The following PIAS1 variants were observed in gnomAD, a reference collection of about 807,000 sequenced individuals.
PIAS1 encodes E3 SUMO-protein ligase PIAS1.
A neutral mutation model predicts 71.3 loss-of-function variants in PIAS1; 6 were observed. The ratio of observed to expected loss-of-function variants is 0.08; its 90% confidence interval spans 0.05 to 0.17. PIAS1 has a LOEUF of 0.17. Among genes scored for constraint, PIAS1 ranks in the 10% least tolerant of loss-of-function variants. The pLI, the probability that PIAS1 is intolerant of heterozygous loss-of-function variation, is 1.00. For synonymous variants in PIAS1, 303 were observed against 292.9 expected, an observed-to-expected ratio of 1.03 and a Z score of -0.35; for missense variants, 555 against 793.6, an observed-to-expected ratio of 0.70 and a Z score of 3.61.
intron 2 of PIAS1, among the ~76,000 whole-genome samples, chr15:68,097,593 C>T (rs1330058876): frequency 6.6e-6 from 1 of 152,024 alleles, no homozygotes; most frequent in Non-Finnish European, 1.5e-5. Context: ...CCACCACGCC[C>T]ATCTAATTTT....
At chr15:68,064,403 A>G (rs1382796454) in intron 1 of PIAS1, among the ~76,000 whole-genome samples, 1 of 152,238 alleles carries the variant, frequency 6.6e-6, no homozygotes, top group Non-Finnish European at 1.5e-5. Context: ...ATAGTGAAAT[A>G]TGTCAACATT....
In PIAS1 at chr15:68,086,020, A is replaced by G. The variant is rs886309295; in HGVS notation, c.25-286A>G. ...TGATAAATACCTGACAGTTTCATCAAAACAGTGGAATAAAGTGAGGTGTGG... is the reference window on the plus strand; with the variant it reads ...TGATAAATACCTGACAGTTTCATCAGAACAGTGGAATAAAGTGAGGTGTGG... On this transcript the variant is annotated intron_variant, in intron 1 of 13. Coordinates refer to ENST00000249636, the MANE Select transcript of PIAS1 (RefSeq NM_016166.3). The surrounding 1 kb of genome is among the most constrained non-coding windows in gnomAD (Gnocchi z 7.2). Among the ~76,000 whole-genome samples, 2 of 152,340 alleles carry G rather than the reference A, an allele frequency of 1.3e-5. No individual in the cohort carries two copies. Among genetic ancestry groups the G allele is most frequent in the African/African-American group, 2.4e-5 (1 of 41,586 alleles).
intron 1 of PIAS1, among the ~76,000 whole-genome samples, chr15:68,071,377 G>A (rs910800895): frequency 6.7e-6 from 1 of 149,476 alleles, no homozygotes; most frequent in Non-Finnish European, 1.5e-5. Context: ...CACCATGCCT[G>A]GCTAATTTTT....
intron 6 of PIAS1, among the ~76,000 whole-genome samples, chr15:68,149,879 G>A (rs1233181964): frequency 2.0e-5 from 3 of 151,986 alleles, no homozygotes; most frequent in African/African-American, 4.8e-5. Flanking sequence ...AACAATGCAG[G>A]CACTAGTGGA....
In PIAS1 at chr15:68,065,588, G is replaced by GAA. The variant is rs572054813; in HGVS notation, c.24+11252_24+11253dup. On this transcript the variant is annotated intron_variant, in intron 1 of 13. Transcript: ENST00000249636. ...GTGACAGAGTGAGACCCTGTCTCGA[G>GAA]AAAAAAAAAAAAAAAGAAAAAATTT... Among the ~76,000 whole-genome samples, 188 of 117,596 alleles carry GAA rather than the reference G, an allele frequency of 1.6e-3. 1 individual carries two copies. Among genetic ancestry groups the GAA allele is most frequent in the African/African-American group, 3.5e-3 (111 of 31,532 alleles). 77.1% of individuals were successfully genotyped at this position (117,596 alleles called of 152,430 possible). A position where few individuals can be genotyped will look rare whatever the true frequency, so the allele number is the denominator to read the frequency against.
At chr15:68,147,028 G>T (rs550423078) in intron 6 of PIAS1, among the ~76,000 whole-genome samples, 1 of 152,212 alleles carries the variant, frequency 6.6e-6, no homozygotes, top group Non-Finnish European at 1.5e-5. Context: ...CGTGTTACTT[G>T]ATTTATTGAT....
At chr15:68,118,650 T>A (rs530534601) in intron 2 of PIAS1, among the ~76,000 whole-genome samples, 1 of 152,324 alleles carries the variant, frequency 6.6e-6, no homozygotes, top group Admixed American at 6.5e-5. Context: ...CTGTCTTGAT[T>A]TTTTGACAGT....
At chr15:68,124,857 C>G (rs1244627393) in intron 2 of PIAS1, among the ~76,000 whole-genome samples, 1 of 152,118 alleles carries the variant, frequency 6.6e-6, no homozygotes, top group South Asian at 2.1e-4. Context: ...GTATTTTGAT[C>G]TCTTTTGGCT....
At chr15:68,119,454 T>G (rs1199825248) in intron 2 of PIAS1, among the ~76,000 whole-genome samples, 1 of 150,420 alleles carries the variant, frequency 6.6e-6, no homozygotes. Context: ...AAAAAAAAAG[T>G]AAATGGGCAA....
chr15:68,135,689 G>T (rs1343853387), intron 2 of PIAS1, among the ~76,000 whole-genome samples: 7 of 67,300 alleles, frequency 1.0e-4, no homozygotes, highest in Admixed American at 3.9e-4. Context: ...CCTCCCTCCC[G>T]GACGGGGTGG....
rs2093003624 is a variant in PIAS1 at position 68,173,430 on chromosome 15, G to A, written c.1009-302G>A. Among the ~76,000 whole-genome samples, 1 of 151,662 alleles carries A rather than the reference G, an allele frequency of 6.6e-6. No homozygotes were observed. On this transcript the variant is annotated intron_variant, in intron 8 of 13. Transcript: ENST00000249636. This position sits in a 1 kb window ranked among gnomAD's most constrained non-coding sequence, Gnocchi z 4.3. Reference sequence around the variant, plus strand: ...AAAATGCACACACGAAATTTTGAATGTAATTCAAGGGGTTTATGACCCTCT... The same window carrying A: ...AAAATGCACACACGAAATTTTGAATATAATTCAAGGGGTTTATGACCCTCT...
At chr15:68,126,865 T>A (rs1174787247) in intron 2 of PIAS1, among the ~76,000 whole-genome samples, 1 of 152,032 alleles carries the variant, frequency 6.6e-6, no homozygotes, top group African/African-American at 2.4e-5. Flanking sequence ...TCACCATTAT[T>A]CCACATTGAA....
At chr15:68,108,576 C>T (rs983114347) in intron 2 of PIAS1, among the ~76,000 whole-genome samples, 3 of 152,194 alleles carry the variant, frequency 2.0e-5, no homozygotes, top group African/African-American at 4.8e-5. Flanking sequence ...AGACCTCTCT[C>T]ATGAGTTCTG....
Position 68,181,329 on chromosome 15 carries a change from G to T in PIAS1, c.1599G>T (p.Met533Ile). The change falls in exon 12 of 14, where the codon ATG (methionine) becomes ATT (isoleucine). Residue 533 changes from methionine (M) to isoleucine (I), a missense_variant. Physicochemically the swap from Met to Ile is conservative, Grantham distance 10 (BLOSUM62 1). Around this residue, in one of 5 missense-constraint regions of PIAS1, gnomAD observed 244 missense variants for 307.5 expected, o/e 0.79. Coordinates refer to ENST00000249636, the MANE Select transcript of PIAS1 (RefSeq NM_016166.3). ...LIQDYRHPFH[M>I]TPMPYDLQGL... ...AAGACTATAGGCATCCTTTCCACAT[G>T]ACACCCATGCCTTACGACTTACAAG... is the stretch of plus-strand genomic sequence containing the variant. The T allele has an allele frequency of 6.2e-7, 1 of 1,613,624 alleles. No homozygotes were observed. The highest frequency in any genetic ancestry group is 1.1e-5 in the South Asian group (1 of 91,044).
intron 11 of PIAS1, 70 bp from the exon 12 acceptor site, chr15:68,181,142 A>C: frequency 1.5e-6 from 2 of 1,375,602 alleles, no homozygotes; most frequent in Non-Finnish European, 2.0e-6. Context: ...GTGAGATACA[A>C]CCCCTTTTTT....
rs75673552 is a variant in PIAS1, at chr15:68,181,470, G to A, written c.1624+116G>A. ...GGAAGACTGAGCCAACAGGGCCTTG[G>A]ACCCAGGGAACTGAGAGAAATAATA... On this transcript the variant is annotated intron_variant, in intron 12 of 13. Transcript: ENST00000249636. The A allele has an allele frequency of 0.076, 71,644 of 946,626 alleles. 2,993 individuals carry two copies. The highest frequency in any genetic ancestry group is 0.095 in the South Asian group (5,965 of 62,738). The allele number at this position is 946,626 out of a possible 1,614,324, so 58.6% of individuals were successfully genotyped here.
At chr15:68,078,635 T>C (rs939681781) in intron 1 of PIAS1, among the ~76,000 whole-genome samples, 16 of 152,346 alleles carry the variant, frequency 1.1e-4, no homozygotes, top group South Asian at 6.2e-4. Flanking sequence ...TTATGAACTC[T>C]GGAATCAGGT....
Position 68,176,625 on chromosome 15 carries a change from A to G in PIAS1, c.1452A>G (p.Leu484=), listed in dbSNP as rs1242966229. The change falls in exon 11 of 14, where the codon CTA becomes CTG. Residue 484 remains leucine, a synonymous_variant. Transcript: ENST00000249636. ...EPSAKRTCPS[L]SPTSPLNNKG... is the part of the protein sequence containing the mutation. ...CTGCCAAGAGGACCTGTCCTTCCCTATCTCCCACATCACCACTAAATAATA... is the reference window on the plus strand; with the variant it reads ...CTGCCAAGAGGACCTGTCCTTCCCTGTCTCCCACATCACCACTAAATAATA... 31 of 1,603,308 alleles carry G rather than the reference A, an allele frequency of 1.9e-5. No homozygotes were observed. The highest frequency in any genetic ancestry group is 2.5e-5 in the Non-Finnish European group (29 of 1,175,806).
intron 2 of PIAS1, among the ~76,000 whole-genome samples, chr15:68,121,085 C>G (rs2092609666): frequency 6.6e-6 from 1 of 152,088 alleles, no homozygotes; most frequent in African/African-American, 2.4e-5. Flanking sequence ...TGTGTATATC[C>G]AGATTCTAAT....
Sources: allele counts gnomAD v4.1 joint callset (sites outside exome capture counted in the v4.1 genomes callset), GRCh38; gene constraint gnomAD v4.1.1; regional missense constraint gnomAD v4.1.1; non-coding constraint Gnocchi (gnomAD v3.1); transcripts MANE v1.5; gene names NCBI Gene and HGNC (gene_info 2026-07-23, HGNC 2026-07-21).